The following SMC1B variants were observed in gnomAD, a reference collection of about 807,000 sequenced individuals.
SMC1B encodes the protein structural maintenance of chromosomes 1B.
A neutral mutation model predicts 157.9 loss-of-function variants in SMC1B; 60 were observed. The ratio of observed to expected loss-of-function variants is 0.38; its 90% CI spans 0.31 to 0.47. The LOEUF (loss-of-function observed/expected upper bound fraction) is 0.47, where lower values mean the gene tolerates loss of function less well. Ranked by LOEUF, SMC1B falls within the 20% of genes least tolerant of loss-of-function variation. The pLI is 0.99. For missense variants in SMC1B, 1,165 were observed against 1,426.2 expected (o/e 0.82, Z 2.95); for synonymous variants, 445 against 483.0 (o/e 0.92, Z 1.03).
Position 45,355,130 on chromosome 22 carries a change from G to C in SMC1B, c.2962-15C>G. 6.2e-7 allele frequency: 1 copy of C among 1,613,898 alleles called. No individual in the cohort carries two copies. The highest frequency in any genetic ancestry group is 8.5e-7 in the Non-Finnish European group (1 of 1,179,842). ...GACTGTAGAGCCTATTATGGGCAAA[G>C]AACAACACTGACTGGCATGGCATGT... On this transcript the variant is annotated splice_polypyrimidine_tract_variant and intron_variant, in intron 19 of 24. Transcript: ENST00000357450.
At chr22:45,344,801 GT>G in intron 24 of SMC1B, 144 bp from the exon 25 acceptor site, 14 of 524,730 alleles carry the variant, frequency 2.7e-5, no homozygotes, top group East Asian at 6.4e-5. Flanking sequence ...TTGGTTGTGG[GT>G]TTTTTTGGTA....
chr22:45,395,565 G>C (rs1454133244), intron 7 of SMC1B, among the ~76,000 whole-genome samples: 1 of 152,058 alleles, frequency 6.6e-6, no homozygotes, highest in African/African-American at 2.4e-5. Flanking sequence ...CTTAGATATA[G>C]ATAAAAAATT....
At chr22:45,379,792 G>A (rs1456666918) in intron 12 of SMC1B, among the ~76,000 whole-genome samples, 2 of 138,108 alleles carry the variant, frequency 1.4e-5, no homozygotes, top group Non-Finnish European at 3.0e-5. Flanking sequence ...GAGTGCAGTG[G>A]CGCAATCTGG....
In SMC1B at chr22:45,408,696, T is replaced by A. The variant is rs754897845; in HGVS notation, c.298+14A>T. On this transcript the variant is annotated intron_variant, in intron 2 of 24. Coordinates refer to ENST00000357450, the MANE Select transcript of SMC1B (RefSeq NM_148674.5). ...TCTTGAAAAATAAAATGAAAAAAAA[T>A]TATAAAAAAATACCTCGGATAATCC... The A allele has an allele frequency of 5.8e-6, 9 of 1,549,352 alleles. No homozygotes were observed. The highest frequency in any genetic ancestry group is 3.7e-5 in the South Asian group (3 of 81,528).
At chr22:45,373,659 T>C (rs2086855968) in intron 12 of SMC1B, among the ~76,000 whole-genome samples, 1 of 152,244 alleles carries the variant, frequency 6.6e-6, no homozygotes, top group South Asian at 2.1e-4. Context: ...TAGTTTGGCC[T>C]AGGCCCAGGA....
intron 19 of SMC1B, among the ~76,000 whole-genome samples, chr22:45,356,698 T>C (rs1271155231): frequency 6.6e-6 from 1 of 151,752 alleles, no homozygotes; most frequent in Non-Finnish European, 1.5e-5. Flanking sequence ...ACGGAGTTGC[T>C]ACCTGGGGAA....
chr22:45,385,252 G>A (rs1352367633), intron 11 of SMC1B, among the ~76,000 whole-genome samples: 1 of 152,070 alleles, frequency 6.6e-6, no homozygotes, highest in African/African-American at 2.4e-5. Context: ...ATCCATATTT[G>A]TAGTTTACAG....
intron 20 of SMC1B, 108 bp downstream of exon 20, chr22:45,354,850 GA>G: frequency 2.0e-6 from 2 of 1,004,032 alleles, no homozygotes; most frequent in Non-Finnish European, 3.0e-6. Flanking sequence ...GACCACAGAG[GA>G]AAAAATCTAT....
chr22:45,399,269 A>G lies in SMC1B; in HGVS notation c.939T>C (p.Asp313=), dbSNP rs974363815. 2 of 1,613,912 alleles carry G rather than the reference A, an allele frequency of 1.2e-6. No individual in the cohort carries two copies. Among genetic ancestry groups the G allele is most frequent in the African/African-American group, 1.3e-5 (1 of 75,022 alleles). The change falls in exon 6 of 25, where the codon GAT becomes GAC. Residue 313 remains aspartate (D), a synonymous_variant. Coordinates refer to ENST00000357450, the MANE Select transcript of SMC1B (RefSeq NM_148674.5). Reference sequence around the variant, plus strand: ...TGTCCTTTATTGATTTCTTAGCCACATCTAATTTCTTAAGGTGGTGAGAAG... The same window carrying G: ...TGTCCTTTATTGATTTCTTAGCCACGTCTAATTTCTTAAGGTGGTGAGAAG... The part of the protein sequence containing the change: ...ENTSHHLKKL[D]VAKKSIKDSE...
intron 17 of SMC1B, among the ~76,000 whole-genome samples, chr22:45,361,227 G>A (rs1007149876): frequency 6.6e-6 from 1 of 152,094 alleles, no homozygotes; most frequent in Non-Finnish European, 1.5e-5. Context: ...CAGACTAGAG[G>A]GAATCTCTGT....
At chr22:45,404,247 G>A in intron 4 of SMC1B, among the ~76,000 whole-genome samples, 1 of 1,376 alleles carries the variant, frequency 7.3e-4, no homozygotes, top group African/African-American at 3.1e-3. Context: ...TGGCCAGAGG[G>A]GTTTTATTCA....
intron 17 of SMC1B, 73 bp downstream of exon 17, chr22:45,361,766 A>C: frequency 1.4e-6 from 2 of 1,409,422 alleles, no homozygotes; most frequent in South Asian, 1.3e-5. Context: ...AACTCATTTC[A>C]TACATTTCAG....
intron 9 of SMC1B, among the ~76,000 whole-genome samples, chr22:45,392,923 A>G (rs544275153): frequency 7.6e-4 from 115 of 152,150 alleles, no homozygotes; most frequent in African/African-American, 2.6e-3. Flanking sequence ...CTGGTCTCAA[A>G]CTCCTGACCT....
At chr22:45,349,100 C>T (rs149829717) in intron 23 of SMC1B, among the ~76,000 whole-genome samples, 3 of 150,882 alleles carry the variant, frequency 2.0e-5, no homozygotes, top group Non-Finnish European at 4.4e-5. Flanking sequence ...CTGCAAACTC[C>T]ACCTCCTGGG....
At chr22:45,397,685 GGGTGGTGCC>G (rs2087141009) in intron 6 of SMC1B, among the ~76,000 whole-genome samples, 2 of 152,042 alleles carry the variant, frequency 1.3e-5, no homozygotes, top group African/African-American at 4.8e-5. Flanking sequence ...ACCCACTTTA[GGGTGGTGCC>G]GTTGTTTTAG....
At chr22:45,397,473 T>G (rs1166946405) in intron 6 of SMC1B, among the ~76,000 whole-genome samples, 1 of 152,186 alleles carries the variant, frequency 6.6e-6, no homozygotes, top group African/African-American at 2.4e-5. Context: ...AGACAAATCC[T>G]AGACAGACAG....
Position 45,361,997 on chromosome 22 carries a change from G to A in SMC1B, c.2563-13C>T. The A allele has an allele frequency of 6.2e-7, 1 of 1,605,924 alleles. No homozygotes were observed. The highest frequency in any genetic ancestry group is 8.5e-7 in the Non-Finnish European group (1 of 1,177,558). On this transcript the variant is annotated splice_polypyrimidine_tract_variant and intron_variant, in intron 16 of 24. Transcript: ENST00000357450. The stretch of plus-strand genomic sequence containing the variant: ...AGTTTTCTTCAGCCTGAACAGAGAG[G>A]ATCTGCATTGTAGATTTACTATCTT...
rs776040148 is a variant in SMC1B at position 45,389,683 on chromosome 22, AT to A, written c.1731+28del. 72 of 1,585,644 alleles carry A rather than the reference AT, an allele frequency of 4.5e-5. No individual in the cohort carries two copies. In the Middle Eastern group the frequency reaches 6.7e-4, roughly 15 times the overall value. ...TTTAAAAGACAAGATTTTTATCACT[AT>A]AAATACCAGGCATTACAAAGTTCTT... On this transcript the variant is annotated intron_variant, in intron 10 of 24. Transcript: ENST00000357450.
At chr22:45,404,897 G>A (rs556916698) in intron 4 of SMC1B, among the ~76,000 whole-genome samples, 4 of 152,106 alleles carry the variant, frequency 2.6e-5, no homozygotes, top group Non-Finnish European at 5.9e-5. Flanking sequence ...AATATTTTAC[G>A]GAGTTTGACT....
Sources: allele counts gnomAD v4.1 joint callset (sites outside exome capture counted in the v4.1 genomes callset), GRCh38; gene constraint gnomAD v4.1.1; transcripts MANE v1.5; gene names NCBI Gene and HGNC (gene_info 2026-07-23, HGNC 2026-07-21).